Variants in IL1RAPL1 observed in about 807,000 individuals in gnomAD.
IL1RAPL1 encodes interleukin 1 receptor accessory protein like 1, also known as interleukin-1 receptor accessory protein-like 1.
A neutral mutation model predicts 48.4 loss-of-function variants in IL1RAPL1; 3 were observed. The observed-to-expected ratio is 0.06, with a 90% CI of 0.03 to 0.16. IL1RAPL1 has a LOEUF of 0.16. Ranked by LOEUF, IL1RAPL1 falls within the 10% of genes least tolerant of loss-of-function variation. The pLI is 1.00. For synonymous variants in IL1RAPL1, 185 were observed against 187.7 expected (o/e 0.99, Z 0.12); for missense variants, 349 against 530.6 (o/e 0.66, Z 3.36).
Position 29,937,649 on chromosome X carries a change from G to A in IL1RAPL1, c.1058-4002G>A, listed in dbSNP as rs775652767. On this transcript the variant is annotated intron_variant, in intron 8 of 10. Transcript: ENST00000378993. ...GCATACATGTATAATGTGTAGGCTT[G>A]TATATTACACTCCTGCATAGAAATA... Among the ~76,000 whole-genome samples the A allele has an allele frequency of 9.8e-5, 11 of 111,887 alleles. No individual in the cohort carries two copies. The South Asian group carries it at 4.1e-3, about 42-fold the overall frequency.
At chrX:28,709,244 A>G (rs758698498) in intron 1 of IL1RAPL1, among the ~76,000 whole-genome samples, 65 of 112,557 alleles carry the variant, frequency 5.8e-4, no homozygotes, top group African/African-American at 2.1e-3. Flanking sequence ...AAATGAGGGC[A>G]TTTAGGATAC....
chrX:28,933,004 A>C (rs764015044), intron 2 of IL1RAPL1, among the ~76,000 whole-genome samples: 1 of 111,445 alleles, frequency 9.0e-6, no homozygotes, highest in African/African-American at 3.3e-5. Flanking sequence ...ACAAGTACCA[A>C]ATGTCTTTCT....
chrX:28,766,390 AT>A (rs772913466), intron 1 of IL1RAPL1, among the ~76,000 whole-genome samples: 1 of 106,665 alleles, frequency 9.4e-6, no homozygotes, highest in Non-Finnish European at 1.9e-5. Flanking sequence ...AAAAAAAAAA[AT>A]TATTATTTTT....
At chrX:29,687,860 C>G (rs768571516) in intron 6 of IL1RAPL1, among the ~76,000 whole-genome samples, 54 of 111,761 alleles carry the variant, frequency 4.8e-4, no homozygotes, top group Admixed American at 7.6e-4. Flanking sequence ...TCTCTATATT[C>G]TAGAGCTCTT....
chrX:29,139,228 C>T (rs1354152304), intron 2 of IL1RAPL1, among the ~76,000 whole-genome samples: 1 of 110,807 alleles, frequency 9.0e-6, no homozygotes, highest in African/African-American at 3.3e-5. Context: ...AAATAATTTT[C>T]ACCTTTAGAA....
At chrX:29,905,789 G>A (rs925413471) in intron 6 of IL1RAPL1, among the ~76,000 whole-genome samples, 2 of 111,053 alleles carry the variant, frequency 1.8e-5, no homozygotes, top group African/African-American at 6.6e-5. Context: ...ATGTATAGTC[G>A]TGACTCCCAC....
chrX:29,086,319 C>G (rs1483313644), intron 2 of IL1RAPL1, among the ~76,000 whole-genome samples: 1 of 111,832 alleles, frequency 8.9e-6, no homozygotes, highest in African/African-American at 3.2e-5. Flanking sequence ...TTATGAAAAT[C>G]ACAGAAAAAA....
intron 5 of IL1RAPL1, among the ~76,000 whole-genome samples, chrX:29,546,706 A>G (rs1049834225): frequency 1.8e-5 from 2 of 111,566 alleles, no homozygotes; most frequent in African/African-American, 3.3e-5. Context: ...GAGTAACTGA[A>G]GGTATATTAT....
intron 5 of IL1RAPL1, among the ~76,000 whole-genome samples, chrX:29,647,959 G>GATATTGCATGTAAATAGAAATAAAAAACA (rs1925387852): frequency 9.0e-6 from 1 of 111,511 alleles, no homozygotes. Flanking sequence ...GTATGAAAAA[G>GATATTGCATGTAAATAGAAATAAAAAACA]ATATTGCATG....
At chrX:29,303,067 C>G (rs1208666811) in intron 3 of IL1RAPL1, among the ~76,000 whole-genome samples, 1 of 111,999 alleles carries the variant, frequency 8.9e-6, no homozygotes, top group Non-Finnish European at 1.9e-5. Context: ...AATCTTAGTT[C>G]TCTAGCATTT....
intron 2 of IL1RAPL1, among the ~76,000 whole-genome samples, chrX:29,072,690 A>G (rs1189022598): frequency 9.0e-6 from 1 of 111,560 alleles, no homozygotes. Context: ...GACACTTGGT[A>G]AAATTCATAG....
intron 2 of IL1RAPL1, among the ~76,000 whole-genome samples, chrX:28,837,382 G>A (rs751040482): frequency 5.4e-5 from 6 of 111,285 alleles, no homozygotes; most frequent in South Asian, 7.5e-4. Flanking sequence ...GGGGCCTTCA[G>A]TGTAGCAAAA....
At chrX:29,947,618 ATTTC>A (rs1170899651) in intron 9 of IL1RAPL1, among the ~76,000 whole-genome samples, 1 of 111,321 alleles carries the variant, frequency 9.0e-6, no homozygotes, top group Non-Finnish European at 1.9e-5. Flanking sequence ...AGGCCATAGA[ATTTC>A]TTTTTCTTTC....
intron 2 of IL1RAPL1, among the ~76,000 whole-genome samples, chrX:29,075,689 G>T (rs1423605074): frequency 8.9e-6 from 1 of 111,780 alleles, no homozygotes; most frequent in Admixed American, 9.5e-5. Flanking sequence ...CATAGAAAAT[G>T]AGTTTAAATG....
chrX:29,205,100 T>TG (rs767106924), intron 2 of IL1RAPL1, among the ~76,000 whole-genome samples: 3 of 111,311 alleles, frequency 2.7e-5, no homozygotes, highest in South Asian at 7.5e-4. Flanking sequence ...TCTCTTATTA[T>TG]GGGGGGTAGA....
intron 6 of IL1RAPL1, among the ~76,000 whole-genome samples, chrX:29,740,562 A>G (rs1440895725): frequency 9.0e-6 from 1 of 111,156 alleles, no homozygotes; most frequent in Admixed American, 9.6e-5. Context: ...TTCACGTCCT[A>G]TATCCTATAA....
At chrX:29,649,068 A>C (rs1021975546) in intron 5 of IL1RAPL1, among the ~76,000 whole-genome samples, 3 of 111,917 alleles carry the variant, frequency 2.7e-5, no homozygotes, top group African/African-American at 9.7e-5. Flanking sequence ...AATTATGAAG[A>C]AATAGAAAAC....
rs146422350 is a variant in IL1RAPL1, at chrX:29,118,002, C to T, written c.83-164936C>T. On this transcript the variant is annotated intron_variant, in intron 2 of 10. Coordinates refer to ENST00000378993, the MANE Select transcript of IL1RAPL1 (RefSeq NM_014271.4). ...ATTTAATAGGCTTACTCTCAAACAA[C>T]GGATTGACTCAAATATTATCAACAA... Among the ~76,000 whole-genome samples, 169 of 111,964 alleles carry T rather than the reference C, an allele frequency of 1.5e-3. 1 individual carries two copies. The highest frequency in any genetic ancestry group is 5.0e-3 in the African/African-American group (156 of 30,959).
chrX:29,685,463 A>G (rs759200668), intron 6 of IL1RAPL1, among the ~76,000 whole-genome samples: 1 of 111,155 alleles, frequency 9.0e-6, no homozygotes, highest in East Asian at 2.8e-4. Flanking sequence ...AGATCGTGCC[A>G]CTCCACTCCA....
Sources: allele counts gnomAD v4.1 joint callset (sites outside exome capture counted in the v4.1 genomes callset), GRCh38; gene constraint gnomAD v4.1.1; transcripts MANE v1.5; gene names NCBI Gene and HGNC (gene_info 2026-07-23, HGNC 2026-07-21).